Variants in ZBTB4 observed in about 807,000 individuals in gnomAD.
The protein encoded by ZBTB4 is zinc finger and BTB domain containing 4, also known as zinc finger and BTB domain-containing protein 4.
In ZBTB4, 14 loss-of-function variants were observed where a neutral mutation model predicts 59.8. The observed-to-expected ratio is 0.23, with a 90% confidence interval of 0.15 to 0.37. ZBTB4 has a LOEUF of 0.37. Among genes scored for constraint, ZBTB4 ranks in the 10% least tolerant of loss-of-function variants. The probability of loss-of-function intolerance (pLI) is 1.00; values close to 1 mark genes in which losing one functional copy is unlikely to be tolerated. For synonymous variants in ZBTB4, 587 were observed against 575.2 expected (o/e 1.02, Z -0.29); for missense variants, 1,198 against 1,380.8 (o/e 0.87, Z 2.10).
At chr17:7,463,931 C>G (rs1567685291) in intron 3 of ZBTB4, 41 bp from the exon 4 acceptor site, 1 of 1,578,366 alleles carries the variant, frequency 6.3e-7, no homozygotes, top group East Asian at 2.2e-5. Context: ...AACACAGGCA[C>G]TTGAGTCAAG....
At chr17:7,476,226 A>C (rs1441495874) in intron 1 of ZBTB4, among the ~76,000 whole-genome samples, 1 of 152,190 alleles carries the variant, frequency 6.6e-6, no homozygotes, top group Non-Finnish European at 1.5e-5. Context: ...TCCTGGGCTC[A>C]AAACCTCCAC....
rs542874711 is a variant in ZBTB4, at chr17:7,476,138, C to T, written c.-81+3318G>A. Among the ~76,000 whole-genome samples, 36 of 152,280 alleles carry T rather than the reference C, an allele frequency of 2.4e-4. No individual in the cohort carries two copies. In the South Asian group the frequency reaches 6.2e-3, roughly 26 times the overall value. On this transcript the variant is annotated intron_variant, in intron 1 of 3. Transcript: ENST00000380599. Reference sequence around the variant, plus strand: ...TTATGGCCTCCCAGCTATCCCCTGGCCTCCAGGCTTACCTTCCTCCATCCA... The same window carrying T: ...TTATGGCCTCCCAGCTATCCCCTGGTCTCCAGGCTTACCTTCCTCCATCCA...
chr17:7,469,990 G>A (rs571055260), intron 1 of ZBTB4, among the ~76,000 whole-genome samples: 2 of 152,198 alleles, frequency 1.3e-5, no homozygotes, highest in South Asian at 2.1e-4. Flanking sequence ...GCTGGGGCAG[G>A]AGAATCACTT....
intron 3 of ZBTB4, 112 bp downstream of exon 3, chr17:7,465,599 C>T (rs1013877049): frequency 2.1e-6 from 3 of 1,440,392 alleles, no homozygotes; most frequent in Non-Finnish European, 2.7e-6. Flanking sequence ...CTGCAGCTAG[C>T]CTAGTTTCAG....
chr17:7,483,886 CCGGACAAGCCACTG>C (rs2070379106), upstream of ZBTB4: 1 of 152,364 alleles, frequency 6.6e-6, no homozygotes, highest in African/African-American at 2.4e-5. Context: ...TCGGCTACTT[CCGGACAAGCCACTG>C]GTCCTGCCAT....
At chr17:7,478,420 C>T (rs1023990573) in intron 1 of ZBTB4, among the ~76,000 whole-genome samples, 20 of 152,042 alleles carry the variant, frequency 1.3e-4, no homozygotes, top group African/African-American at 4.4e-4. Flanking sequence ...CCATGCAACG[C>T]GCTCATCACA....
Position 7,466,960 on chromosome 17 carries a change from C to T in ZBTB4, c.-9-150G>A. 1 of 1,373,284 alleles carries T rather than the reference C, an allele frequency of 7.3e-7. No homozygotes were observed. The highest frequency in any genetic ancestry group is 9.6e-7 in the Non-Finnish European group (1 of 1,046,760). The allele number at this position is 1,373,284 out of a possible 1,614,324, so 85.1% of individuals were successfully genotyped here. ...TCTGGTCACAGAAGTCAGGGGTTGGCCCTTAGCCACCCAAGTCTGGCCAGC... is the reference window on the plus strand; with the variant it reads ...TCTGGTCACAGAAGTCAGGGGTTGGTCCTTAGCCACCCAAGTCTGGCCAGC... On this transcript the variant is annotated intron_variant, in intron 2 of 3. Coordinates refer to ENST00000380599, the MANE Select transcript of ZBTB4 (RefSeq NM_001128833.2). This position sits in a 1 kb window ranked among gnomAD's most constrained non-coding sequence, Gnocchi z 9.1.
chr17:7,482,695 C>T, upstream of ZBTB4: 1 of 1,612,038 alleles, frequency 6.2e-7, no homozygotes, highest in East Asian at 2.2e-5. Flanking sequence ...CTGTGCCAGG[C>T]CTCTTTGTGC....
rs113320638 is a variant in ZBTB4, at chr17:7,462,846, C to T, written c.2136G>A (p.Ala712=). 10 of 1,603,948 alleles carry T rather than the reference C, an allele frequency of 6.2e-6. No individual in the cohort carries two copies. The highest frequency in any genetic ancestry group is 2.2e-5 in the East Asian group (1 of 44,882). The part of the protein sequence containing the change: ...LERRSWEETP[A]AESPAGRART... ...GGGCACGTCCCGCTGGGCTCTCGGC[C>T]GCTGGGGTTTCCTCCCAGCTCCTCC... Residue 712 remains alanine (A), a synonymous_variant, in exon 4 of 4, where the codon GCG becomes GCA. Transcript: ENST00000380599. The surrounding 1 kb of genome is among the most constrained non-coding windows in gnomAD (Gnocchi z 7.5).
At chr17:7,464,928 G>A (rs761126483) in intron 3 of ZBTB4, among the ~76,000 whole-genome samples, 2 of 151,332 alleles carry the variant, frequency 1.3e-5, no homozygotes, top group Non-Finnish European at 2.9e-5. Context: ...AGGCCAAGGC[G>A]GGTGGATCAC....
At chr17:7,483,023 G>A (rs368872318), upstream of ZBTB4, 676 of 1,611,960 alleles carry the variant, frequency 4.2e-4, 10 homozygotes, top group East Asian at 9.5e-3. Context: ...GGAGCCCGGG[G>A]GTTGGGAGGG....
chr17:7,473,914 T>C (rs2070233807), intron 1 of ZBTB4, among the ~76,000 whole-genome samples: 1 of 151,516 alleles, frequency 6.6e-6, no homozygotes, highest in African/African-American at 2.4e-5. Flanking sequence ...GTTTTTGGTT[T>C]TGTTTTGTTT....
Position 7,474,327 on chromosome 17 carries a change from C to T in ZBTB4, c.-81+5129G>A, listed in dbSNP as rs868451592. ...ACCTCCCCTAGGCTCAGGTGATTCT[C>T]TCATTACAGCCTCCCAAGTAGCTGG... On this transcript the variant is annotated intron_variant, in intron 1 of 3. Coordinates refer to ENST00000380599, the MANE Select transcript of ZBTB4 (RefSeq NM_001128833.2). 7.3e-5 allele frequency among the ~76,000 whole-genome samples: 11 copies of T among 150,610 alleles called. No homozygotes were observed. In the Middle Eastern group the frequency reaches 0.01, roughly 144 times the overall value.
chr17:7,462,952 C>A lies in ZBTB4; in HGVS notation c.2030G>T (p.Gly677Val). Residue 677 changes from glycine to valine, a missense_variant, in exon 4 of 4, where the codon GGA (glycine) becomes GTA (valine). Gly to Val is a moderately radical substitution (Grantham distance 109). Coordinates refer to ENST00000380599, the MANE Select transcript of ZBTB4 (RefSeq NM_001128833.2). This position sits in a 1 kb window ranked among gnomAD's most constrained non-coding sequence, Gnocchi z 7.5. ...CCCCACACTGGCACCTCCAGCAGCT[C>A]CAGCCTTGCGCTTAGGCTTGTAGGA... Reference protein sequence around the residue: ...YYSYKPKRKAGAAGGASVGGS... With the variant: ...YYSYKPKRKAVAAGGASVGGS... 1 of 1,608,620 alleles carries A rather than the reference C, an allele frequency of 6.2e-7. No homozygotes were observed. Among genetic ancestry groups the A allele is most frequent in the South Asian group, 1.1e-5 (1 of 90,522 alleles).
chr17:7,482,232 T>C (rs778137794), upstream of ZBTB4: 117 of 1,613,856 alleles, frequency 7.2e-5, no homozygotes, highest in Non-Finnish European at 9.2e-5. Context: ...CACCTCCCTA[T>C]TGCCCTGCTA....
At chr17:7,464,265 G>A (rs1317659093) in intron 3 of ZBTB4, among the ~76,000 whole-genome samples, 1 of 152,124 alleles carries the variant, frequency 6.6e-6, no homozygotes, top group African/African-American at 2.4e-5. Flanking sequence ...GGTGAGGGGA[G>A]TTTTCTCTTT....
At position 7,466,586 on chromosome 17, in the gene ZBTB4, C is replaced by G. The variant is rs1189549496; in HGVS notation, c.216G>C (p.Gly72=). ...TGGTGGCAGGGTTGGGTGCGGCGCC[C>G]CCAGTAGCTGGTGGAAGGGGTAGTG... The part of the protein sequence containing the change: ...SAPLPLPPAT[G]GAAPNPATTT... The change falls in exon 3 of 4, where the codon GGG becomes GGC. Residue 72 remains glycine (G), a synonymous_variant. Transcript: ENST00000380599. The surrounding 1 kb of genome is among the most constrained non-coding windows in gnomAD (Gnocchi z 9.1). 6.2e-7 allele frequency: 1 copy of G among 1,613,086 alleles called. No homozygotes were observed. The highest frequency in any genetic ancestry group is 1.1e-5 in the South Asian group (1 of 90,928).
chr17:7,463,252 C>T lies in ZBTB4; in HGVS notation c.1730G>A (p.Gly577Glu). The part of the protein sequence containing the change: ...TLTYTAKPVG[G>E]IGGGGGPPTG... ...GGGGGGACCCCCACCTCCACCAATC[C>T]CGCCCACTGGCTTGGCTGTGTAAGT... is the stretch of plus-strand genomic sequence containing the variant. The change falls in exon 4 of 4, where the codon GGG (glycine) becomes GAG (glutamate). Residue 577 changes from glycine (G) to glutamate (E), a missense_variant. By Grantham distance (98) the Gly-to-Glu change is moderately conservative. This residue lies in a region of ZBTB4 where 550 missense variants were observed against 541.8 expected (regional missense o/e 1.02). Transcript: ENST00000380599. 6.2e-7 allele frequency: 1 copy of T among 1,612,154 alleles called. No homozygotes were observed. The highest frequency in any genetic ancestry group is 8.5e-7 in the Non-Finnish European group (1 of 1,179,504).
intron 1 of ZBTB4, among the ~76,000 whole-genome samples, chr17:7,477,956 C>T (rs2070291196): frequency 6.6e-6 from 1 of 152,146 alleles, no homozygotes; most frequent in South Asian, 2.1e-4. Flanking sequence ...CATCTGACAA[C>T]ACCCATGCCT....
Sources: allele counts gnomAD v4.1 joint callset (sites outside exome capture counted in the v4.1 genomes callset), GRCh38; gene constraint gnomAD v4.1.1; regional missense constraint gnomAD v4.1.1; non-coding constraint Gnocchi (gnomAD v3.1); transcripts MANE v1.5; gene names NCBI Gene and HGNC (gene_info 2026-07-23, HGNC 2026-07-21).